Variants in CHMP4C observed in about 807,000 individuals in gnomAD.
CHMP4C encodes the protein SNF7 homolog associated with Alix 3.
Under a neutral mutation model 29.0 loss-of-function variants are expected in CHMP4C, and 28 were observed. The ratio of observed to expected loss-of-function variants is 0.97; its 90% CI spans 0.72 to 1.32. CHMP4C has a LOEUF of 1.32. Ranked by LOEUF, CHMP4C falls within the 40% of genes most tolerant of loss-of-function variation. The pLI, the probability that CHMP4C is intolerant of heterozygous loss-of-function variation, is 0.00. For synonymous variants in CHMP4C, 106 were observed against 102.4 expected (o/e 1.04, Z -0.21); for missense variants, 291 against 281.0 (o/e 1.04, Z -0.25).
At chr8:81,744,430 C>T (rs1808798844) in intron 1 of CHMP4C, among the ~76,000 whole-genome samples, 1 of 152,088 alleles carries the variant, frequency 6.6e-6, no homozygotes, top group South Asian at 2.1e-4. Flanking sequence ...TCACTGGGGA[C>T]TTTATCTACA....
chr8:81,746,760 C>T (rs547681867), intron 1 of CHMP4C, among the ~76,000 whole-genome samples: 1 of 152,308 alleles, frequency 6.6e-6, no homozygotes, highest in African/African-American at 2.4e-5. Flanking sequence ...CATATGCTAA[C>T]ATAGGTGTTT....
chr8:81,732,837 C>G (rs1397046203), intron 1 of CHMP4C, 21 bp downstream of exon 1: 2 of 1,601,508 alleles, frequency 1.2e-6, no homozygotes, highest in South Asian at 1.1e-5. Context: ...GTCTGGCCCA[C>G]AGGCGGGAGC....
intron 1 of CHMP4C, 177 bp downstream of exon 1, chr8:81,732,993 A>C: frequency 2.1e-6 from 1 of 475,274 alleles, no homozygotes; most frequent in Non-Finnish European, 3.7e-6. Context: ...AGACACTGGC[A>C]CTGATGGCAA....
At chr8:81,740,529 G>A (rs1248036120) in intron 1 of CHMP4C, among the ~76,000 whole-genome samples, 1 of 152,130 alleles carries the variant, frequency 6.6e-6, no homozygotes, top group Non-Finnish European at 1.5e-5. Flanking sequence ...ACCGGGGTTT[G>A]GGAACCCCCG....
chr8:81,734,136 C>T (rs563973353), intron 1 of CHMP4C, among the ~76,000 whole-genome samples: 94 of 152,320 alleles, frequency 6.2e-4, no homozygotes, highest in African/African-American at 1.9e-3. Flanking sequence ...TATGCAATGG[C>T]AATTTCTAAA....
chr8:81,735,373 G>A (rs1426904090), intron 1 of CHMP4C, among the ~76,000 whole-genome samples: 2 of 152,092 alleles, frequency 1.3e-5, no homozygotes, highest in African/African-American at 2.4e-5. Context: ...TTGGTAACAC[G>A]CTCAATATCA....
At chr8:81,739,588 C>T (rs1808738751) in intron 1 of CHMP4C, among the ~76,000 whole-genome samples, 1 of 152,194 alleles carries the variant, frequency 6.6e-6, no homozygotes, top group Admixed American at 6.5e-5. Context: ...CCAGAAGCTC[C>T]ACTTGGGCTT....
At chr8:81,736,967 A>T (rs1322003872) in intron 1 of CHMP4C, among the ~76,000 whole-genome samples, 1 of 152,218 alleles carries the variant, frequency 6.6e-6, no homozygotes, top group Non-Finnish European at 1.5e-5. Context: ...ATTTGAGTAA[A>T]CATGAACAAA....
chr8:81,736,206 A>G (rs925119216), intron 1 of CHMP4C, among the ~76,000 whole-genome samples: 1 of 151,864 alleles, frequency 6.6e-6, no homozygotes, highest in African/African-American at 2.4e-5. Flanking sequence ...CTTAGGCTGG[A>G]TTGCAGTGGT....
chr8:81,747,838 T>A (rs1585944788), intron 1 of CHMP4C, among the ~76,000 whole-genome samples: 1 of 152,110 alleles, frequency 6.6e-6, no homozygotes, highest in Admixed American at 6.5e-5. Context: ...CAAGGCAAAA[T>A]TAAAATTGCT....
At chr8:81,733,143 A>AT (rs1205695129) in intron 1 of CHMP4C, among the ~76,000 whole-genome samples, 1 of 152,124 alleles carries the variant, frequency 6.6e-6, no homozygotes, top group Non-Finnish European at 1.5e-5. Context: ...ATTGGTATTG[A>AT]TTTTTTTCAT....
intron 1 of CHMP4C, among the ~76,000 whole-genome samples, chr8:81,738,870 G>C (rs951728952): frequency 6.6e-6 from 1 of 152,070 alleles, no homozygotes; most frequent in East Asian, 1.9e-4. Flanking sequence ...GTTAATTATA[G>C]GGTCCAGAAA....
At position 81,758,246 on chromosome 8, in the gene CHMP4C, G is replaced by A. The variant is rs1196196891; in HGVS notation, c.588G>A (p.Gln196=). The A allele has an allele frequency of 6.2e-7, 1 of 1,613,988 alleles. No individual in the cohort carries two copies. Among genetic ancestry groups the A allele is most frequent in the East Asian group, 2.2e-5 (1 of 44,878 alleles). Residue 196 remains glutamine (Q), a synonymous_variant, in exon 4 of 5, where the codon CAG becomes CAA. Coordinates refer to ENST00000297265, the MANE Select transcript of CHMP4C (RefSeq NM_152284.4). ...TGCCTTCCTCTTCTCTCCCAGCACAGCCAAATAGAAAACCAGGCATGTCGT... is the reference window on the plus strand; with the variant it reads ...TGCCTTCCTCTTCTCTCCCAGCACAACCAAATAGAAAACCAGGCATGTCGT... The part of the protein sequence containing the change: ...PNVPSSSLPA[Q]PNRKPGMSST...
At chr8:81,737,238 C>A (rs1318330696) in intron 1 of CHMP4C, among the ~76,000 whole-genome samples, 1 of 152,084 alleles carries the variant, frequency 6.6e-6, no homozygotes, top group East Asian at 1.9e-4. Flanking sequence ...TGGGGCCCAC[C>A]CCCATTTATT....
intron 1 of CHMP4C, among the ~76,000 whole-genome samples, chr8:81,749,833 G>A (rs1159474527): frequency 6.6e-6 from 1 of 152,092 alleles, no homozygotes; most frequent in Non-Finnish European, 1.5e-5. Flanking sequence ...AAGTTGAGTT[G>A]GTCTCAGATG....
chr8:81,738,609 C>A (rs1334020197), intron 1 of CHMP4C, among the ~76,000 whole-genome samples: 3 of 152,142 alleles, frequency 2.0e-5, no homozygotes, highest in African/African-American at 7.2e-5. Context: ...CACTGCAGAT[C>A]AGAAGGACAT....
intron 1 of CHMP4C, among the ~76,000 whole-genome samples, chr8:81,752,710 A>G (rs1199121524): frequency 6.6e-6 from 1 of 152,086 alleles, no homozygotes; most frequent in African/African-American, 2.4e-5. Flanking sequence ...ACGTTCTCTA[A>G]TGGTTTACTT....
At chr8:81,744,409 C>T (rs1023296773) in intron 1 of CHMP4C, among the ~76,000 whole-genome samples, 1 of 152,098 alleles carries the variant, frequency 6.6e-6, no homozygotes, top group Admixed American at 6.5e-5. Flanking sequence ...GTTGAGTATA[C>T]ATATAGACAG....
chr8:81,732,592 C>T lies in CHMP4C; in HGVS notation c.-35C>T, dbSNP rs1022985964. On this transcript the variant is annotated 5_prime_UTR_variant, in exon 1 of 5. Transcript: ENST00000297265. Reference sequence around the variant, plus strand: ...GCGGCCCCGGGGAGCTCCCGAGAGGCCCCCGGGATCGCTGGCCCTCCGAAC... The same window carrying T: ...GCGGCCCCGGGGAGCTCCCGAGAGGTCCCCGGGATCGCTGGCCCTCCGAAC... 6.7e-6 allele frequency: 10 copies of T among 1,489,446 alleles called. No individual in the cohort carries two copies. In the East Asian group the frequency reaches 9.9e-5, roughly 15 times the overall value. The allele number at this position is 1,489,446 out of a possible 1,614,324, so 92.3% of individuals were successfully genotyped here. A position where few individuals can be genotyped will look rare whatever the true frequency, so the allele number is the denominator to read the frequency against.
Sources: gnomAD v4.1 joint callset for allele counts (sites outside exome capture counted in the v4.1 genomes callset) on GRCh38, gnomAD v4.1.1 for gene constraint, MANE v1.5 for transcripts, NCBI Gene and HGNC (gene_info 2026-07-23, HGNC 2026-07-21) for gene names.